The following MIPOL1 variants were observed in gnomAD, a reference collection of about 807,000 sequenced individuals.
MIPOL1 encodes the protein mirror-image polydactyly 1, also known as mirror-image polydactyly gene 1 protein.
A neutral mutation model predicts 60.9 loss-of-function variants in MIPOL1; 57 were observed. The ratio of observed to expected loss-of-function variants is 0.94; its 90% CI spans 0.76 to 1.17. MIPOL1 has a LOEUF of 1.17. MIPOL1 is among the 50% of genes most tolerant of loss of function. MIPOL1 has a pLI of 0.00. For synonymous variants in MIPOL1, 179 were observed against 168.8 expected, an observed-to-expected ratio of 1.06 and a Z score of -0.47; for missense variants, 551 against 511.6, an observed-to-expected ratio of 1.08 and a Z score of -0.74.
rs2093900591 is a variant in MIPOL1, at chr14:37,422,929, GA to G, written c.1012del (p.Thr338ProfsTer18). 1 of 1,605,284 alleles carries G rather than the reference GA, an allele frequency of 6.2e-7. No homozygotes were observed. Among genetic ancestry groups the G allele is most frequent in the Non-Finnish European group, 8.5e-7 (1 of 1,174,592 alleles). On this transcript the variant is annotated frameshift_variant, in exon 11 of 13. Coordinates refer to ENST00000684589, the MANE Select transcript of MIPOL1 (RefSeq NM_001388067.1). LOFTEE classifies it high-confidence loss of function. ...ACAAAAAACTGGAAGAGGAAATCCA[GA>G]CCCTTCGAGTTTACTACAGGTAAAA... ...QYKKLEEEIQTLRVYYSLHKS... is the reference protein window; with the variant it reads ...QYKKLEEEIQXLRVYYSLHKS...
intron 12 of MIPOL1, among the ~76,000 whole-genome samples, chr14:37,535,160 A>G (rs1321102358): frequency 2.0e-5 from 3 of 152,142 alleles, no homozygotes; most frequent in Non-Finnish European, 4.4e-5. Flanking sequence ...CTTAGTAGGT[A>G]TTAATTGATA....
intron 12 of MIPOL1, among the ~76,000 whole-genome samples, chr14:37,508,546 G>A (rs1189519470): frequency 3.9e-5 from 6 of 152,104 alleles, no homozygotes; most frequent in Non-Finnish European, 7.4e-5. Context: ...TAGCATAATG[G>A]TTTAAAATCT....
rs76200007 is a variant in MIPOL1, at chr14:37,449,785, C to CATTTATTTATTT, written c.1031+26854_1031+26865dup. On this transcript the variant is annotated intron_variant, in intron 11 of 12. Transcript: ENST00000684589. The stretch of plus-strand genomic sequence containing the variant: ...TTATCCTGCCTTAAATTTCTGATTA[C>CATTTATTTATTT]ATTTATTTATTTATTTATTTATTTA... 4.2e-4 allele frequency among the ~76,000 whole-genome samples: 63 copies of CATTTATTTATTT among 151,682 alleles called. 1 individual carries two copies. Among genetic ancestry groups the CATTTATTTATTT allele is most frequent in the African/African-American group, 1.4e-3 (59 of 41,326 alleles).
intron 11 of MIPOL1, among the ~76,000 whole-genome samples, chr14:37,440,904 T>G (rs955666372): frequency 5.3e-5 from 8 of 152,164 alleles, no homozygotes; most frequent in Admixed American, 2.0e-4. Context: ...CGTTTATGTC[T>G]GCCAATTCAC....
rs553525327 is a variant in MIPOL1, at chr14:37,545,916, TGA to T, written c.1263-983_1263-982del. On this transcript the variant is annotated intron_variant, in intron 12 of 12. Transcript: ENST00000684589. ...ACTGTGCCGCTTACCGTAAAGTCTT[TGA>T]GAGAGGAAGATTGTGTATATGAAAA... 2.0e-3 allele frequency: 660 copies of T among 326,770 alleles called. 6 individuals carry two copies. The highest frequency in any genetic ancestry group is 0.012 in the African/African-American group (555 of 47,466). 20.2% of individuals were successfully genotyped at this position (326,770 alleles called of 1,614,324 possible). A position where few individuals can be genotyped will look rare whatever the true frequency, so the allele number is the denominator to read the frequency against.
chr14:37,499,721 G>T (rs2095187120), intron 11 of MIPOL1, among the ~76,000 whole-genome samples, 187 bp from the exon 12 acceptor site: 1 of 152,064 alleles, frequency 6.6e-6, no homozygotes, highest in East Asian at 1.9e-4. Flanking sequence ...TGTCTGGGTA[G>T]CTTTCAGCCT....
chr14:37,431,625 C>T lies in MIPOL1; in HGVS notation c.1031+8676C>T, dbSNP rs111344974. On this transcript the variant is annotated intron_variant, in intron 11 of 12. Transcript: ENST00000684589. ...ACAGAGTCTTGCTCTGTCGCCCAGG[C>T]TGGAGTGCAGTGGCGCGATCTCAGC... 4.7e-3 allele frequency among the ~76,000 whole-genome samples: 561 copies of T among 118,844 alleles called. 3 individuals carry two copies. Among genetic ancestry groups the T allele is most frequent in the African/African-American group, 0.016 (497 of 30,952 alleles). 78.0% of individuals were successfully genotyped at this position (118,844 alleles called of 152,430 possible).
intron 12 of MIPOL1, among the ~76,000 whole-genome samples, chr14:37,546,638 T>C (rs1326580393): frequency 6.6e-6 from 1 of 151,698 alleles, no homozygotes; most frequent in Non-Finnish European, 1.5e-5. Flanking sequence ...GCTAAATGTA[T>C]TGAAATAAGT....
intron 10 of MIPOL1, among the ~76,000 whole-genome samples, chr14:37,374,314 T>A (rs1209132031): frequency 6.6e-6 from 1 of 152,134 alleles, no homozygotes; most frequent in Non-Finnish European, 1.5e-5. Flanking sequence ...ATTGCAAAAA[T>A]TTTCTCCCAT....
intron 11 of MIPOL1, among the ~76,000 whole-genome samples, chr14:37,445,425 A>T (rs1239020219): frequency 1.3e-5 from 2 of 152,000 alleles, no homozygotes; most frequent in African/African-American, 2.4e-5. Context: ...ATTAAAGAGG[A>T]TACAAACAAA....
In MIPOL1 at chr14:37,199,422, T is replaced by A. The variant is rs534696363; in HGVS notation, c.-199+1318T>A. 7.2e-4 allele frequency among the ~76,000 whole-genome samples: 109 copies of A among 152,360 alleles called. 1 individual carries two copies. Among genetic ancestry groups the A allele is most frequent in the African/African-American group, 2.4e-3 (99 of 41,584 alleles). ...TTTATTCAAGTTATGTAGCAGTTTG[T>A]TATTCTCATGCTGTATGTATAGTAT... is the stretch of plus-strand genomic sequence containing the variant. On this transcript the variant is annotated intron_variant, in intron 1 of 12. Transcript: ENST00000684589.
chr14:37,213,023 G>C (rs1484822889), intron 1 of MIPOL1, among the ~76,000 whole-genome samples: 1 of 152,164 alleles, frequency 6.6e-6, no homozygotes, highest in East Asian at 1.9e-4. Flanking sequence ...TAGTCTTGGG[G>C]TTCCCTCTAA....
At chr14:37,221,480 G>A (rs910833734) in intron 1 of MIPOL1, among the ~76,000 whole-genome samples, 2 of 152,132 alleles carry the variant, frequency 1.3e-5, no homozygotes, top group African/African-American at 4.8e-5. Context: ...CCTGAGACTG[G>A]ATAATTTATG....
intron 9 of MIPOL1, among the ~76,000 whole-genome samples, chr14:37,343,274 A>G (rs2090710589): frequency 6.6e-6 from 1 of 152,070 alleles, no homozygotes; most frequent in Non-Finnish European, 1.5e-5. Context: ...TTGAAGAAAC[A>G]AGTTACGTTT....
At chr14:37,383,757 C>A (rs954727410) in intron 10 of MIPOL1, among the ~76,000 whole-genome samples, 1 of 151,838 alleles carries the variant, frequency 6.6e-6, no homozygotes, top group Non-Finnish European at 1.5e-5. Context: ...ATTACCTTCA[C>A]CTTTTGAGAG....
chr14:37,467,611 T>C (rs996426927), intron 11 of MIPOL1, among the ~76,000 whole-genome samples: 1 of 152,150 alleles, frequency 6.6e-6, no homozygotes, highest in Admixed American at 6.5e-5. Context: ...GGATCTGCTA[T>C]GCAATAGCAC....
At chr14:37,462,592 G>A (rs1271360693) in intron 11 of MIPOL1, among the ~76,000 whole-genome samples, 2 of 152,052 alleles carry the variant, frequency 1.3e-5, no homozygotes, top group Non-Finnish European at 2.9e-5. Flanking sequence ...TTTCCTTTCT[G>A]AAACTGAATG....
intron 9 of MIPOL1, among the ~76,000 whole-genome samples, chr14:37,347,060 A>G (rs1311373586): frequency 6.6e-6 from 1 of 152,144 alleles, no homozygotes. Flanking sequence ...AGAGATACAA[A>G]ACCAATCTGG....
In MIPOL1 at chr14:37,444,960, G is replaced by C. The variant is rs887608583; in HGVS notation, c.1031+22011G>C. Among the ~76,000 whole-genome samples, 6 of 152,136 alleles carry C rather than the reference G, an allele frequency of 3.9e-5. No individual in the cohort carries two copies. The South Asian group carries it at 8.3e-4, about 21-fold the overall frequency. ...AAGAGCTATCTATGACAAACCCACA[G>C]CCAATATCATACTGAATGGGCAAAA... is the stretch of plus-strand genomic sequence containing the variant. On this transcript the variant is annotated intron_variant, in intron 11 of 12. Transcript: ENST00000684589.
Sources: allele counts gnomAD v4.1 joint callset (sites outside exome capture counted in the v4.1 genomes callset), GRCh38; gene constraint gnomAD v4.1.1; transcripts MANE v1.5; gene names NCBI Gene and HGNC (gene_info 2026-07-23, HGNC 2026-07-21).